The following AGMO variants were observed in gnomAD, a reference collection of about 807,000 sequenced individuals.
AGMO encodes alkylglycerol monooxygenase, also known as glyceryl-ether monooxygenase.
AGMO carries 75 observed loss-of-function variants against 60.2 expected under a neutral mutation model. The observed-to-expected ratio is 1.25, with a 90% confidence interval of 1.03 to 1.51. The LOEUF (loss-of-function observed/expected upper bound fraction) is 1.51, where lower values mean the gene tolerates loss of function less well. AGMO is among the 40% of genes most tolerant of loss of function. The probability of loss-of-function intolerance (pLI) is 0.00; values close to 1 mark genes in which losing one functional copy is unlikely to be tolerated. For synonymous variants in AGMO, 261 were observed against 177.1 expected (o/e 1.47, Z -3.76); for missense variants, 763 against 525.5 (o/e 1.45, Z -4.42).
intron 3 of AGMO, among the ~76,000 whole-genome samples, chr7:15,491,442 C>T (rs757221604): frequency 1.3e-5 from 2 of 152,116 alleles, no homozygotes. Context: ...TAAGTAAGTA[C>T]ACTGAAATTT....
At chr7:15,311,754 C>T (rs1291677753) in intron 12 of AGMO, among the ~76,000 whole-genome samples, 2 of 152,036 alleles carry the variant, frequency 1.3e-5, no homozygotes, top group African/African-American at 4.8e-5. Flanking sequence ...AGAACACACA[C>T]AAACAGTGGA....
At chr7:15,319,484 G>A (rs1317251558) in intron 12 of AGMO, among the ~76,000 whole-genome samples, 1 of 152,058 alleles carries the variant, frequency 6.6e-6, no homozygotes, top group Non-Finnish European at 1.5e-5. Context: ...ACAAAGCTTT[G>A]CATGCTCTGA....
chr7:15,382,310 A>G (rs1783725883), intron 10 of AGMO, among the ~76,000 whole-genome samples: 1 of 152,166 alleles, frequency 6.6e-6, no homozygotes, highest in Non-Finnish European at 1.5e-5. Context: ...TTTCTTTTGT[A>G]CTAATACTGT....
chr7:15,309,657 A>G (rs981209218), intron 12 of AGMO, among the ~76,000 whole-genome samples: 7 of 152,162 alleles, frequency 4.6e-5, no homozygotes, highest in Non-Finnish European at 8.8e-5. Context: ...ATATATATGT[A>G]TGTGTAGATT....
At chr7:15,254,449 T>C (rs1002909039) in intron 12 of AGMO, among the ~76,000 whole-genome samples, 3 of 152,176 alleles carry the variant, frequency 2.0e-5, no homozygotes, top group Admixed American at 1.3e-4. Flanking sequence ...TGAGGTGATA[T>C]CTGATTGTGG....
intron 12 of AGMO, among the ~76,000 whole-genome samples, chr7:15,357,201 G>GTGTGTC (rs1253100567): frequency 7.8e-6 from 1 of 127,504 alleles, no homozygotes; most frequent in Non-Finnish European, 1.7e-5. Flanking sequence ...GTGTGTGTGT[G>GTGTGTC]TGTGTGTGTG....
intron 12 of AGMO, among the ~76,000 whole-genome samples, chr7:15,323,788 T>C (rs116285579): frequency 1.3e-3 from 200 of 152,290 alleles, no homozygotes; most frequent in African/African-American, 4.7e-3. Flanking sequence ...TGCTAGATGA[T>C]TTCATGACTT....
intron 10 of AGMO, among the ~76,000 whole-genome samples, chr7:15,378,120 C>A (rs1247630907): frequency 6.6e-6 from 1 of 152,004 alleles, no homozygotes; most frequent in Non-Finnish European, 1.5e-5. Flanking sequence ...GCATTTGCTT[C>A]ACAAAATGGA....
At chr7:15,214,710 C>T (rs187106873) in intron 12 of AGMO, among the ~76,000 whole-genome samples, 119 of 151,942 alleles carry the variant, frequency 7.8e-4, no homozygotes, top group Non-Finnish European at 4.3e-4. Context: ...CCTTATTACT[C>T]GAATACATTT....
chr7:15,282,238 A>G lies in AGMO; in HGVS notation c.1264-80879T>C, dbSNP rs77326021. Among the ~76,000 whole-genome samples the G allele has an allele frequency of 2.3e-3, 345 of 152,238 alleles. 12 individuals are homozygous for G. The East Asian group carries it at 0.063, about 28-fold the overall frequency. ...GGATCCAAACCAAGATGAAACCTCT[A>G]CAATACCAGATAAAGAATTCAAAAG... is the stretch of plus-strand genomic sequence containing the variant. On this transcript the variant is annotated intron_variant, in intron 12 of 12. Transcript: ENST00000342526.
intron 12 of AGMO, among the ~76,000 whole-genome samples, chr7:15,347,199 T>A (rs528523963): frequency 7.9e-5 from 12 of 152,186 alleles, no homozygotes; most frequent in African/African-American, 2.9e-4. Flanking sequence ...TGTTCAATTG[T>A]ATGCACGTAC....
chr7:15,149,348 T>C, the AGMO span, among the ~76,000 whole-genome samples: 1 of 152,196 alleles, frequency 6.6e-6, no homozygotes, highest in African/African-American at 2.4e-5. Flanking sequence ...ATTTTGTTTA[T>C]GTTGCAATTA....
chr7:15,332,399 A>T (rs1444126056), intron 12 of AGMO, among the ~76,000 whole-genome samples: 3 of 152,170 alleles, frequency 2.0e-5, no homozygotes, highest in Admixed American at 6.6e-5. Flanking sequence ...TCTCGTCTGG[A>T]AACTTCATGG....
intron 2 of AGMO, among the ~76,000 whole-genome samples, chr7:15,553,228 G>A (rs929865727): frequency 2.6e-5 from 4 of 151,474 alleles, no homozygotes; most frequent in African/African-American, 7.3e-5. Flanking sequence ...GCTAGATGAC[G>A]AGTTAGTGGG....
chr7:15,534,485 A>C (rs1784439758), intron 3 of AGMO, among the ~76,000 whole-genome samples: 1 of 151,990 alleles, frequency 6.6e-6, no homozygotes, highest in Non-Finnish European at 1.5e-5. Flanking sequence ...TACAGTTGAC[A>C]ACTATTCATC....
intron 12 of AGMO, among the ~76,000 whole-genome samples, chr7:15,315,373 C>G (rs931808994): frequency 1.5e-5 from 2 of 137,138 alleles, no homozygotes; most frequent in Non-Finnish European, 3.0e-5. Flanking sequence ...GAGTCTCACC[C>G]TGTTGCCAGG....
chr7:15,478,307 C>G (rs1052172380), intron 3 of AGMO, among the ~76,000 whole-genome samples: 2 of 152,158 alleles, frequency 1.3e-5, no homozygotes, highest in African/African-American at 4.8e-5. Flanking sequence ...CAACCTTTAA[C>G]TTGTTTGTCT....
At chr7:15,214,425 C>T (rs777455037) in intron 12 of AGMO, among the ~76,000 whole-genome samples, 4 of 151,948 alleles carry the variant, frequency 2.6e-5, no homozygotes, top group African/African-American at 9.7e-5. Context: ...TAAAATTACC[C>T]TAGAAAATCC....
chr7:15,379,373 G>T (rs1022537981), intron 10 of AGMO, among the ~76,000 whole-genome samples: 1 of 151,988 alleles, frequency 6.6e-6, no homozygotes, highest in Non-Finnish European at 1.5e-5. Flanking sequence ...CTGTTAATTA[G>T]ATTGATAAAG....
Sources: allele counts gnomAD v4.1 joint callset (sites outside exome capture counted in the v4.1 genomes callset), GRCh38; gene constraint gnomAD v4.1.1; transcripts MANE v1.5; gene names NCBI Gene and HGNC (gene_info 2026-07-23, HGNC 2026-07-21).